The following EYS variants were observed in gnomAD, a reference collection of about 807,000 sequenced individuals.
EYS encodes EGF-like photoreceptor maintenance factor.
EYS carries 250 observed loss-of-function variants against 282.1 expected under a neutral mutation model. That is an observed-to-expected ratio of 0.89 (90% CI 0.80 to 0.98). The LOEUF (loss-of-function observed/expected upper bound fraction) is 0.98. Among genes scored for constraint, EYS ranks in the 50% least tolerant of loss-of-function variants. The pLI, the probability that EYS is intolerant of heterozygous loss-of-function variation, is 0.00. For synonymous variants in EYS, 1,355 were observed against 1,282.9 expected, an observed-to-expected ratio of 1.06 and a Z score of -1.20; for missense variants, 4,016 against 3,709.0, an observed-to-expected ratio of 1.08 and a Z score of -2.15.
At chr6:64,680,693 T>C (rs1384522745) in intron 22 of EYS, among the ~76,000 whole-genome samples, 2 of 152,164 alleles carry the variant, frequency 1.3e-5, no homozygotes, top group African/African-American at 2.4e-5. Flanking sequence ...TTTACCTTAG[T>C]TTCAGCAGGC....
chr6:65,122,367 C>T (rs999322985), intron 12 of EYS, among the ~76,000 whole-genome samples: 3 of 152,062 alleles, frequency 2.0e-5, no homozygotes, highest in African/African-American at 7.2e-5. Context: ...ATAATTCAGA[C>T]AGGTCTTCAA....
At chr6:64,025,789 C>T (rs955741103) in intron 33 of EYS, among the ~76,000 whole-genome samples, 6 of 152,196 alleles carry the variant, frequency 3.9e-5, no homozygotes, top group African/African-American at 1.4e-4. Context: ...ACTCTTCCAA[C>T]CCTGGAGATC....
chr6:64,663,081 G>GT (rs1468416727), intron 22 of EYS, among the ~76,000 whole-genome samples: 1 of 151,328 alleles, frequency 6.6e-6, no homozygotes, highest in Non-Finnish European at 1.5e-5. Context: ...TTAAAAATCT[G>GT]TAAGAGTTAA....
At chr6:65,166,155 A>T (rs1764966803) in intron 12 of EYS, among the ~76,000 whole-genome samples, 2 of 151,138 alleles carry the variant, frequency 1.3e-5, no homozygotes, top group South Asian at 4.1e-4. Context: ...AGGTGGCAAA[A>T]ATTCCCAAAT....
chr6:64,915,129 T>C (rs1020352798), intron 15 of EYS, among the ~76,000 whole-genome samples: 1 of 152,074 alleles, frequency 6.6e-6, no homozygotes, highest in Non-Finnish European at 1.5e-5. Flanking sequence ...AATCTTTATC[T>C]CCTATATCCC....
rs1582960792 is a variant in EYS, at chr6:64,619,116, T to C, written c.3569-1583A>G. 3.3e-5 allele frequency among the ~76,000 whole-genome samples: 5 copies of C among 152,254 alleles called. No homozygotes were observed. In the South Asian group the frequency reaches 1.0e-3, roughly 32 times the overall value. On this transcript the variant is annotated intron_variant, in intron 23 of 42. Transcript: ENST00000503581. The stretch of plus-strand genomic sequence containing the variant: ...GGATGTCCCTGGAGGGATATAGAGG[T>C]GGCGAGAATTATTGCTAATATTCTA...
intron 11 of EYS, among the ~76,000 whole-genome samples, chr6:65,314,561 GGTGTGTGTGTGTGTGTGTGTGT>G (rs4032795): frequency 2.8e-5 from 3 of 106,340 alleles, no homozygotes; most frequent in East Asian, 2.8e-4. Context: ...TTCCCCTTAT[GGTGTGTGTGTGTGTGTGTGTGT>G]GTGTGTGTGT....
chr6:64,710,173 G>C (rs1771158980), intron 22 of EYS, among the ~76,000 whole-genome samples: 1 of 152,162 alleles, frequency 6.6e-6, no homozygotes, highest in African/African-American at 2.4e-5. Flanking sequence ...TGTAGATACA[G>C]AATTAAGTAA....
chr6:65,109,157 T>A (rs1267223282), intron 12 of EYS, among the ~76,000 whole-genome samples: 1 of 152,024 alleles, frequency 6.6e-6, no homozygotes, highest in African/African-American at 2.4e-5. Flanking sequence ...ACTATTTTTA[T>A]TTTTTTCTTT....
chr6:63,890,991 G>A (rs866578744), intron 35 of EYS, among the ~76,000 whole-genome samples: 28 of 152,102 alleles, frequency 1.8e-4, no homozygotes, highest in African/African-American at 6.5e-4. Flanking sequence ...AATCTAGAAG[G>A]AATGGATAAA....
chr6:65,574,238 A>G (rs561410220), intron 2 of EYS, among the ~76,000 whole-genome samples: 1 of 152,238 alleles, frequency 6.6e-6, no homozygotes, highest in Non-Finnish European at 1.5e-5. Context: ...AGAGCAACCC[A>G]CTAGCTACAA....
chr6:64,611,673 A>AT (rs902102732), intron 24 of EYS, among the ~76,000 whole-genome samples: 44 of 152,224 alleles, frequency 2.9e-4, no homozygotes, highest in Admixed American at 5.9e-4. Context: ...AGCATTATTG[A>AT]TTTTTTTAGT....
intron 22 of EYS, among the ~76,000 whole-genome samples, chr6:64,659,378 C>T (rs534573676): frequency 1.3e-5 from 2 of 152,142 alleles, no homozygotes; most frequent in East Asian, 3.9e-4. Context: ...CAAGAAATAA[C>T]TAAGATCAGA....
chr6:64,110,953 A>C (rs1329203334), intron 31 of EYS, among the ~76,000 whole-genome samples: 1 of 151,940 alleles, frequency 6.6e-6, no homozygotes, highest in Non-Finnish European at 1.5e-5. Flanking sequence ...AGAACCTATA[A>C]ATTAATATTT....
At chr6:64,630,386 C>T (rs544353711) in intron 22 of EYS, among the ~76,000 whole-genome samples, 50 of 152,288 alleles carry the variant, frequency 3.3e-4, no homozygotes, top group Middle Eastern at 3.4e-3. Context: ...CATAAGCCAC[C>T]ACACCTGGCC....
intron 33 of EYS, among the ~76,000 whole-genome samples, chr6:64,010,680 A>G (rs1465132986): frequency 1.3e-5 from 2 of 152,006 alleles, no homozygotes; most frequent in Non-Finnish European, 2.9e-5. Flanking sequence ...GTGTACTCCC[A>G]TTCTTCATGT....
intron 19 of EYS, among the ~76,000 whole-genome samples, chr6:64,863,731 A>G (rs1464785395): frequency 1.3e-5 from 2 of 152,090 alleles, no homozygotes; most frequent in East Asian, 3.9e-4. Context: ...TGGACTCTAA[A>G]CCTGCCATTT....
chr6:65,093,513 T>C (rs1387011928), intron 12 of EYS, among the ~76,000 whole-genome samples: 1 of 151,910 alleles, frequency 6.6e-6, no homozygotes, highest in East Asian at 1.9e-4. Context: ...ATAAAGTACA[T>C]GCATGGAGGT....
intron 5 of EYS, among the ~76,000 whole-genome samples, chr6:65,440,883 TTA>T (rs1768292668): frequency 6.8e-6 from 1 of 147,188 alleles, no homozygotes; most frequent in East Asian, 2.0e-4. Context: ...TATATTTATA[TTA>T]TATATGTTTA....
Sources: allele counts gnomAD v4.1 joint callset (sites outside exome capture counted in the v4.1 genomes callset), GRCh38; gene constraint gnomAD v4.1.1; transcripts MANE v1.5; gene names NCBI Gene and HGNC (gene_info 2026-07-23, HGNC 2026-07-21).